The following ZCCHC2 variants were observed in gnomAD, a reference collection of about 807,000 sequenced individuals.
The protein encoded by ZCCHC2 is zinc finger CCHC-type containing 2.
ZCCHC2 carries 39 observed loss-of-function variants against 103.6 expected under a neutral mutation model. The observed-to-expected ratio is 0.38, with a 90% CI of 0.29 to 0.49. The LOEUF is 0.49. Ranked by LOEUF, ZCCHC2 falls within the 20% of genes least tolerant of loss-of-function variation. The pLI is 0.96. For synonymous variants in ZCCHC2, 687 were observed against 608.9 expected (o/e 1.13, Z -1.89); for missense variants, 1,483 against 1,491.0 (o/e 0.99, Z 0.09).
At chr18:62,584,459 C>T (rs575764283) in exon 15 of ZCCHC2, 1 of 152,212 alleles carries the variant, frequency 6.6e-6, no homozygotes, top group Non-Finnish European at 1.5e-5. Context: ...CAATTTGAGC[C>T]GCTGTGAAAA....
chr18:62,560,570 T>C lies in ZCCHC2; in HGVS notation c.1493-17T>C, dbSNP rs371550365. The C allele has an allele frequency of 3.7e-5, 59 of 1,610,324 alleles. No homozygotes were observed. In the African/African-American group the frequency reaches 6.5e-4, roughly 18 times the overall value. On this transcript the variant is annotated splice_polypyrimidine_tract_variant and intron_variant, in intron 7 of 13. Coordinates refer to ENST00000269499, the MANE Select transcript of ZCCHC2 (RefSeq NM_017742.6). ...TGCAGCATTTAGTGTAATAAGTTACTTTTTCCTCTCTTCTAGATGTGTTGC... is the reference window on the plus strand; with the variant it reads ...TGCAGCATTTAGTGTAATAAGTTACCTTTTCCTCTCTTCTAGATGTGTTGC...
rs937867401 is a variant in ZCCHC2 at position 62,523,597 on chromosome 18, T to TGCCGCCGCC, written c.183_191dup (p.Pro62_Pro64dup). 5 of 1,036,680 alleles carry TGCCGCCGCC rather than the reference T, an allele frequency of 4.8e-6. No homozygotes were observed. The African/African-American group carries it at 5.4e-5, about 11-fold the overall frequency. 64.2% of individuals were successfully genotyped at this position (1,036,680 alleles called of 1,614,324 possible). On this transcript the variant is annotated inframe_insertion, in exon 1 of 14. Coordinates refer to ENST00000269499, the MANE Select transcript of ZCCHC2 (RefSeq NM_017742.6). ...CCCGCGGGCCCGTCGCGGGGCCCTC[T>TGCCGCCGCC]GCCGCCGCCGCCGCCGCCCCGGGGA...
At chr18:62,534,931 C>G (rs994459538) in intron 1 of ZCCHC2, among the ~76,000 whole-genome samples, 1 of 152,238 alleles carries the variant, frequency 6.6e-6, no homozygotes, top group African/African-American at 2.4e-5. Context: ...AAATCAGTTA[C>G]TGCCGTAGAT....
intron 11 of ZCCHC2, among the ~76,000 whole-genome samples, chr18:62,569,443 G>A (rs75468922): frequency 0.07 from 10,578 of 151,972 alleles, 458 homozygotes; most frequent in Middle Eastern, 0.12. Flanking sequence ...GCAGAATTAC[G>A]CTAGCTACTG....
downstream of ZCCHC2, among the ~76,000 whole-genome samples, chr18:62,580,130 C>T (rs1248883944): frequency 6.6e-6 from 1 of 152,178 alleles, no homozygotes; most frequent in Non-Finnish European, 1.5e-5. Flanking sequence ...CCTTTTGTGC[C>T]TAGCTTTCTG....
At position 62,523,483 on chromosome 18, in the gene ZCCHC2, C is replaced by T; in HGVS notation, c.59C>T (p.Ala20Val). The T allele has an allele frequency of 9.5e-7, 1 of 1,054,186 alleles. No individual in the cohort carries two copies. Among genetic ancestry groups the T allele is most frequent in the South Asian group, 2.5e-5 (1 of 39,682 alleles). The allele number at this position is 1,054,186 out of a possible 1,614,324, so 65.3% of individuals were successfully genotyped here. The change falls in exon 1 of 14, where the codon GCG (alanine) becomes GTG (valine). Residue 20 changes from alanine to valine, a missense_variant. Around this residue, in one of 3 missense-constraint regions of ZCCHC2, gnomAD observed 568 missense variants for 525.1 expected, o/e 1.08. Coordinates refer to ENST00000269499, the MANE Select transcript of ZCCHC2 (RefSeq NM_017742.6). ...PTHPAEPPPEAEEPEADARPG... is the reference protein window; with the variant it reads ...PTHPAEPPPEVEEPEADARPG... ...CACCCCGCGGAGCCGCCGCCCGAGG[C>T]GGAGGAGCCCGAGGCGGACGCGCGG... is the stretch of plus-strand genomic sequence containing the variant.
intron 5 of ZCCHC2, among the ~76,000 whole-genome samples, chr18:62,553,154 TTATGTGTG>T (rs1250856431): frequency 1.1e-4 from 14 of 125,816 alleles, no homozygotes; most frequent in African/African-American, 1.6e-4. Context: ...GCCCTTAGAT[TTATGTGTG>T]TGTGTGTGTG....
chr18:62,542,768 C>G (rs887364976), intron 3 of ZCCHC2, among the ~76,000 whole-genome samples, 194 bp downstream of exon 3: 2 of 152,168 alleles, frequency 1.3e-5, no homozygotes, highest in Non-Finnish European at 1.5e-5. Context: ...TTAAAATAAC[C>G]CTGGCTATTT....
At chr18:62,568,627 T>C (rs558362370) in intron 11 of ZCCHC2, among the ~76,000 whole-genome samples, 1 of 152,352 alleles carries the variant, frequency 6.6e-6, no homozygotes, top group East Asian at 1.9e-4. Flanking sequence ...AAACATATTC[T>C]GAAATTTGCT....
rs1351842306 is a variant in ZCCHC2 at position 62,558,694 on chromosome 18, A to G, written c.1416A>G (p.Leu472=). ...ATTGAATGCTTCCTGCAGATAACTT[A>G]CAATCCTCTCTGAAGACTTCTAAGA... ...SSDSLHSINN[L]QSSLKTSKIL... Residue 472 remains leucine (L), a synonymous_variant, in exon 7 of 14, where the codon TTA becomes TTG. Transcript: ENST00000269499. The G allele has an allele frequency of 3.9e-6, 6 of 1,524,022 alleles. No individual in the cohort carries two copies. The highest frequency in any genetic ancestry group is 5.3e-6 in the Non-Finnish European group (6 of 1,134,940). The allele number at this position is 1,524,022 out of a possible 1,614,324, so 94.4% of individuals were successfully genotyped here.
In ZCCHC2 at chr18:62,577,972, A is replaced by C. The variant is rs185173939; in HGVS notation, c.*1393A>C. 6.5e-6 allele frequency: 1 copy of C among 152,718 alleles called. No homozygotes were observed. Among genetic ancestry groups the C allele is most frequent in the African/African-American group, 2.4e-5 (1 of 41,534 alleles). The allele number at this position is 152,718 out of a possible 1,614,324, so 9.5% of individuals were successfully genotyped here. A position where few individuals can be genotyped will look rare whatever the true frequency, so the allele number is the denominator to read the frequency against. ...CCTCAGCACAGAGCAGAAATGATAG[A>C]TTTTTATTGTTTGGAGTAACGTTGG... On this transcript the variant is annotated 3_prime_UTR_variant, in exon 14 of 14. Coordinates refer to ENST00000269499, the MANE Select transcript of ZCCHC2 (RefSeq NM_017742.6).
intron 4 of ZCCHC2, 48 bp from the exon 5 acceptor site, chr18:62,550,300 C>T: frequency 1.4e-5 from 19 of 1,348,242 alleles, no homozygotes; most frequent in Non-Finnish European, 2.0e-5. Flanking sequence ...ACATCTTTAC[C>T]AGTAAGTGAG....
chr18:62,574,442 G>A lies in ZCCHC2; in HGVS notation c.2361G>A (p.Glu787=). The A allele has an allele frequency of 6.2e-7, 1 of 1,613,996 alleles. No homozygotes were observed. The highest frequency in any genetic ancestry group is 8.5e-7 in the Non-Finnish European group (1 of 1,179,892). ...CTGGAGAATCGGAAAAGCACCTTGAGTTACTGGCTTCCCCTTTACCTATTC... is the reference window on the plus strand; with the variant it reads ...CTGGAGAATCGGAAAAGCACCTTGAATTACTGGCTTCCCCTTTACCTATTC... ...ACTGESEKHL[E]LLASPLPIPS... Residue 787 remains glutamate, a synonymous_variant, in exon 13 of 14, where the codon GAG becomes GAA. Transcript: ENST00000269499.
chr18:62,584,327 T>A (rs1398236846), intron 14 of ZCCHC2: 1 of 152,190 alleles, frequency 6.6e-6, no homozygotes, highest in Non-Finnish European at 1.5e-5. Flanking sequence ...ATGCGGGCCT[T>A]GGTCACCAGA....
chr18:62,556,502 CAAGGT>C (rs1915890303), intron 6 of ZCCHC2, among the ~76,000 whole-genome samples: 1 of 152,168 alleles, frequency 6.6e-6, no homozygotes, highest in Non-Finnish European at 1.5e-5. Flanking sequence ...AGACTGATTC[CAAGGT>C]AAGGCCTGAG....
Position 62,564,199 on chromosome 18 carries a change from C to T in ZCCHC2, c.1687-372C>T, listed in dbSNP as rs561168743. ...TCCCTCCCCTACTCCAGTGCCTGCACCCTCTCTTCTTAGAGTTGACGTAGT... is the reference window on the plus strand; with the variant it reads ...TCCCTCCCCTACTCCAGTGCCTGCATCCTCTCTTCTTAGAGTTGACGTAGT... On this transcript the variant is annotated intron_variant, in intron 9 of 13. Transcript: ENST00000269499. Among the ~76,000 whole-genome samples, 6 of 152,326 alleles carry T rather than the reference C, an allele frequency of 3.9e-5. No homozygotes were observed. The South Asian group carries it at 1.2e-3, about 32-fold the overall frequency.
At position 62,539,686 on chromosome 18, in the gene ZCCHC2, C is replaced by G; in HGVS notation, c.945C>G (p.Asn315Lys). Residue 315 changes from asparagine to lysine, a missense_variant, in exon 2 of 14, where the codon AAC becomes AAG. By Grantham distance (94) the Asn-to-Lys change is moderately conservative (BLOSUM62 0). Around this residue, in one of 3 missense-constraint regions of ZCCHC2, gnomAD observed 568 missense variants for 525.1 expected, o/e 1.08. Coordinates refer to ENST00000269499, the MANE Select transcript of ZCCHC2 (RefSeq NM_017742.6). ...CKFAGPRAQN[N>K]SAHGDYMQNN... is the part of the protein sequence containing the mutation. ...TCTCCCTCTTTCTCATCTAGAACAA[C>G]TCTGCTCATGGTGATTACATGCAAA... is the stretch of plus-strand genomic sequence containing the variant. The G allele has an allele frequency of 6.3e-7, 1 of 1,587,168 alleles. No homozygotes were observed.
In ZCCHC2 at chr18:62,560,830, GT is replaced by G. The variant is rs560589871; in HGVS notation, c.1550+195del. ...CCTTTTGGGTTGTTTTTCTTCTGTGGTTTTTTTTTGTTTTGTTTTGTTTTGT... is the reference window on the plus strand; with the variant it reads ...CCTTTTGGGTTGTTTTTCTTCTGTGGTTTTTTTTGTTTTGTTTTGTTTTGT... On this transcript the variant is annotated intron_variant, in intron 8 of 13. Coordinates refer to ENST00000269499, the MANE Select transcript of ZCCHC2 (RefSeq NM_017742.6). 1.3e-3 allele frequency among the ~76,000 whole-genome samples: 194 copies of G among 150,020 alleles called. 2 individuals carry two copies. Among genetic ancestry groups the G allele is most frequent in the African/African-American group, 4.4e-3 (181 of 40,894 alleles).
chr18:62,583,443 G>A (rs571525068), downstream of ZCCHC2, among the ~76,000 whole-genome samples: 6 of 152,206 alleles, frequency 3.9e-5, no homozygotes, highest in African/African-American at 7.2e-5. Context: ...TTCTGAAAAG[G>A]TTCCAAAGAG....
Sources: allele counts gnomAD v4.1 joint callset (sites outside exome capture counted in the v4.1 genomes callset), GRCh38; gene constraint gnomAD v4.1.1; regional missense constraint gnomAD v4.1.1; transcripts MANE v1.5; gene names NCBI Gene and HGNC (gene_info 2026-07-23, HGNC 2026-07-21).